Variants in CACNA1C observed in about 807,000 individuals in gnomAD.
CACNA1C encodes calcium voltage-gated channel subunit alpha1 C.
In CACNA1C, 30 loss-of-function variants were observed where a neutral mutation model predicts 229.0. That is an observed-to-expected ratio of 0.13 (90% CI 0.10 to 0.18). The LOEUF (loss-of-function observed/expected upper bound fraction) is 0.18, where lower values mean the gene tolerates loss of function less well. CACNA1C is among the 10% of genes least tolerant of loss of function. The probability of loss-of-function intolerance (pLI) is 1.00; values close to 1 mark genes in which losing one functional copy is unlikely to be tolerated. For synonymous variants in CACNA1C, 1,114 were observed against 1,132.5 expected (o/e 0.98, Z 0.33); for missense variants, 1,658 against 2,845.0 (o/e 0.58, Z 9.49).
At chr12:1,973,397 C>T (rs970716392) in intron 1 of CACNA1C, among the ~76,000 whole-genome samples, 6 of 152,048 alleles carry the variant, frequency 3.9e-5, no homozygotes, top group Non-Finnish European at 5.9e-5. Flanking sequence ...AAAGTTAATG[C>T]CATTAAAAAC....
intron 2 of CACNA1C, among the ~76,000 whole-genome samples, chr12:2,116,250 C>G (rs1022402005): frequency 7.2e-5 from 11 of 152,204 alleles, no homozygotes; most frequent in Non-Finnish European, 1.3e-4. Flanking sequence ...TTCTGTTTGT[C>G]CATATAGAAA....
rs117422856 is a variant in CACNA1C, at chr12:2,412,115, T to G, written c.478-36861T>G. ...TCCACTGCCCTTAGCTCGTTACCCCTGTGGCTGTGGAGGTCCCTCAGGAAA... is the reference window on the plus strand; with the variant it reads ...TCCACTGCCCTTAGCTCGTTACCCCGGTGGCTGTGGAGGTCCCTCAGGAAA... On this transcript the variant is annotated intron_variant, in intron 3 of 46. Transcript: ENST00000399655. 1.1e-3 allele frequency among the ~76,000 whole-genome samples: 165 copies of G among 147,652 alleles called. 1 individual carries two copies. Among genetic ancestry groups the G allele is most frequent in the Non-Finnish European group, 2.2e-3 (145 of 66,850 alleles).
chr12:1,996,842 T>C (rs1478705948), intron 1 of CACNA1C, among the ~76,000 whole-genome samples: 1 of 152,034 alleles, frequency 6.6e-6, no homozygotes, highest in African/African-American at 2.4e-5. Context: ...CTATCCTGTA[T>C]TGTGGCTTAC....
At chr12:2,290,218 A>G (rs750096573) in intron 3 of CACNA1C, among the ~76,000 whole-genome samples, 7 of 152,146 alleles carry the variant, frequency 4.6e-5, no homozygotes, top group Admixed American at 1.3e-4. Flanking sequence ...CATCAGAGAG[A>G]GCCTCCTGGC....
At chr12:2,045,667 G>T (rs1594299883) in intron 1 of CACNA1C, among the ~76,000 whole-genome samples, 1 of 152,072 alleles carries the variant, frequency 6.6e-6, no homozygotes, top group Admixed American at 6.6e-5. Context: ...AGAGAAAGAG[G>T]TTGCTAAAGT....
intron 9 of CACNA1C, chr12:2,547,379 G>T: frequency 4.0e-6 from 3 of 754,204 alleles, no homozygotes; most frequent in Non-Finnish European, 7.4e-6. Flanking sequence ...TCTCTTGCCC[G>T]TGGCTGACTG....
intron 9 of CACNA1C, among the ~76,000 whole-genome samples, chr12:2,519,937 G>A (rs1568188030): frequency 1.3e-5 from 2 of 152,256 alleles, no homozygotes; most frequent in East Asian, 1.9e-4. Flanking sequence ...CAGGGGAGCA[G>A]TGGAAGAGCT....
intron 3 of CACNA1C, among the ~76,000 whole-genome samples, chr12:2,397,973 G>A (rs930407942): frequency 1.3e-5 from 2 of 152,210 alleles, no homozygotes; most frequent in Non-Finnish European, 2.9e-5. Flanking sequence ...GGTCCAGGAG[G>A]CCCCTGCCTA....
chr12:2,601,897 G>A lies in CACNA1C; in HGVS notation c.2897G>A (p.Arg966Gln), dbSNP rs1394063736. 4 of 1,613,938 alleles carry A rather than the reference G, an allele frequency of 2.5e-6. No individual in the cohort carries two copies. Among genetic ancestry groups the A allele is most frequent in the East Asian group, 2.2e-5 (1 of 44,870 alleles). Residue 966 changes from arginine to glutamine, a missense_variant, in exon 22 of 47, where the codon CGG becomes CAG. By Grantham distance (43) the Arg-to-Gln change is conservative. This residue lies in a region of CACNA1C where 39 missense variants were observed against 143.3 expected (regional missense o/e 0.27). Transcript: ENST00000399655. This position sits in a 1 kb window ranked among gnomAD's most constrained non-coding sequence, Gnocchi z 5.9. ...TTCTTGCACAAGGGTTCTTTCTGCC[G>A]GAACTACTTCAACATCCTGGACCTG... ...GAFLHKGSFCRNYFNILDLLV... is the reference protein window; with the variant it reads ...GAFLHKGSFCQNYFNILDLLV...
At chr12:2,062,583 C>T (rs2057884571) in intron 1 of CACNA1C, among the ~76,000 whole-genome samples, 1 of 152,230 alleles carries the variant, frequency 6.6e-6, no homozygotes. Context: ...AATCCTTGTT[C>T]TTACTTGATG....
chr12:2,417,653 A>C (rs1440239816), intron 3 of CACNA1C, among the ~76,000 whole-genome samples: 12 of 152,154 alleles, frequency 7.9e-5, no homozygotes, highest in Admixed American at 7.2e-4. Context: ...CAGAAACATT[A>C]ATCTGTGCTA....
intron 1 of CACNA1C, among the ~76,000 whole-genome samples, chr12:2,011,784 A>T (rs1228519532): frequency 6.6e-6 from 1 of 152,234 alleles, no homozygotes. Context: ...GTGTTCCCTC[A>T]TGCTCGAAGG....
chr12:2,225,371 A>G (rs1324121185), intron 3 of CACNA1C, among the ~76,000 whole-genome samples: 2 of 152,246 alleles, frequency 1.3e-5, no homozygotes, highest in Non-Finnish European at 2.9e-5. Context: ...AAGCTACACA[A>G]ATAACAGTAG....
At chr12:2,456,694 G>A (rs2099427995) in intron 4 of CACNA1C, among the ~76,000 whole-genome samples, 1 of 152,166 alleles carries the variant, frequency 6.6e-6, no homozygotes, top group East Asian at 1.9e-4. Flanking sequence ...AGTTCTTTGT[G>A]CAGATTTCTC....
intron 43 of CACNA1C, among the ~76,000 whole-genome samples, chr12:2,684,923 G>C (rs1241528029): frequency 6.6e-6 from 1 of 152,216 alleles, no homozygotes; most frequent in African/African-American, 2.4e-5. Flanking sequence ...GAGGTGTGGG[G>C]TGGCACCAGG....
At chr12:2,420,642 C>T (rs1458710101) in intron 3 of CACNA1C, among the ~76,000 whole-genome samples, 1 of 152,184 alleles carries the variant, frequency 6.6e-6, no homozygotes, top group Non-Finnish European at 1.5e-5. Context: ...TAAGCAAGGT[C>T]TCTGGAACAT....
chr12:2,339,631 AT>A (rs2096800903), intron 3 of CACNA1C, among the ~76,000 whole-genome samples: 1 of 151,984 alleles, frequency 6.6e-6, no homozygotes, highest in South Asian at 2.1e-4. Flanking sequence ...ATTTTATTTT[AT>A]TTTTTGCTTT....
chr12:2,545,234 A>G (rs1396389806), intron 9 of CACNA1C, among the ~76,000 whole-genome samples: 1 of 101,062 alleles, frequency 9.9e-6, no homozygotes, highest in Non-Finnish European at 2.0e-5. Flanking sequence ...TTTTTTGCTC[A>G]GCTCATGAGG....
Position 2,113,556 on chromosome 12 carries a change from C to T in CACNA1C, c.50-1668C>T, listed in dbSNP as rs371085065. Among the ~76,000 whole-genome samples, 22 of 152,220 alleles carry T rather than the reference C, an allele frequency of 1.4e-4. 1 individual carries two copies. The South Asian group carries it at 3.5e-3, about 24-fold the overall frequency. ...ATGGACCAGAAAAGGCCACTGTGGG[C>T]GGCCTTGGGTGTCATGTATGTGCAA... On this transcript the variant is annotated intron_variant, in intron 1 of 46. Coordinates refer to ENST00000399655, the MANE Select transcript of CACNA1C (RefSeq NM_000719.7).
Sources: allele counts gnomAD v4.1 joint callset (sites outside exome capture counted in the v4.1 genomes callset), GRCh38; gene constraint gnomAD v4.1.1; regional missense constraint gnomAD v4.1.1; non-coding constraint Gnocchi (gnomAD v3.1); transcripts MANE v1.5; gene names NCBI Gene and HGNC (gene_info 2026-07-23, HGNC 2026-07-21).